Variants in USP31 observed in about 807,000 individuals in gnomAD.
USP31 encodes the protein ubiquitin specific peptidase 31.
Under a neutral mutation model 119.4 loss-of-function variants are expected in USP31, and 44 were observed. The ratio of observed to expected loss-of-function variants is 0.37; its 90% CI spans 0.29 to 0.47. The LOEUF is 0.47. USP31 is among the 20% of genes least tolerant of loss of function. The probability of loss-of-function intolerance (pLI) is 0.99; values close to 1 mark genes in which losing one functional copy is unlikely to be tolerated. For missense variants in USP31, 1,643 were observed against 1,730.2 expected (o/e 0.95, Z 0.89); for synonymous variants, 749 against 705.6 (o/e 1.06, Z -0.97).
chr16:23,122,811 T>G (rs1902716952), intron 1 of USP31, among the ~76,000 whole-genome samples: 1 of 152,132 alleles, frequency 6.6e-6, no homozygotes, highest in South Asian at 2.1e-4. Context: ...AGGGAGTGAC[T>G]GCTAATGAGT....
chr16:23,135,137 T>TAAAAAAAAAAAAAAAAAAAAAAAAAAA (rs71151697), intron 1 of USP31, among the ~76,000 whole-genome samples: 1 of 127,842 alleles, frequency 7.8e-6, no homozygotes. Flanking sequence ...TTTCATGATT[T>TAAAAAAAAAAAAAAAAAAAAAAAAAAA]AAAAAAAAAA....
intron 1 of USP31, among the ~76,000 whole-genome samples, chr16:23,125,034 C>G (rs1463187614): frequency 1.3e-5 from 2 of 152,192 alleles, no homozygotes; most frequent in Non-Finnish European, 2.9e-5. Flanking sequence ...TGATATTTTG[C>G]AAGATCCTTT....
At chr16:23,089,352 G>A (rs187391166) in intron 7 of USP31, among the ~76,000 whole-genome samples, 90 of 152,160 alleles carry the variant, frequency 5.9e-4, no homozygotes, top group African/African-American at 2.0e-3. Context: ...TAATGCCTTC[G>A]ACGTGGTACG....
rs192024852 is a variant in USP31, at chr16:23,066,159, G to C, written c.*1887C>G. ...ATCTGAACAGTAAAACCAGGACAGC[G>C]AGTGAAGAAGTGAGTACAGGGCTGA... On this transcript the variant is annotated 3_prime_UTR_variant, in exon 16 of 16. Transcript: ENST00000219689. 1 of 152,304 alleles carries C rather than the reference G, an allele frequency of 6.6e-6. No individual in the cohort carries two copies. 9.4% of individuals were successfully genotyped at this position (152,304 alleles called of 1,614,324 possible).
intron 1 of USP31, among the ~76,000 whole-genome samples, chr16:23,114,611 G>A (rs1902433869): frequency 6.6e-6 from 1 of 152,164 alleles, no homozygotes; most frequent in Non-Finnish European, 1.5e-5. Context: ...CATTAAATTT[G>A]TTTACGCTTC....
At position 23,096,785 on chromosome 16, in the gene USP31, T is replaced by C. The variant is rs143263082; in HGVS notation, c.1234+5534A>G. 4.6e-3 allele frequency among the ~76,000 whole-genome samples: 696 copies of C among 152,286 alleles called. 2 individuals carry two copies. Among genetic ancestry groups the C allele is most frequent in the Non-Finnish European group, 6.6e-3 (446 of 68,020 alleles). On this transcript the variant is annotated intron_variant, in intron 6 of 15. Coordinates refer to ENST00000219689, the MANE Select transcript of USP31 (RefSeq NM_020718.4). The stretch of plus-strand genomic sequence containing the variant: ...ATGAAAGCAGAAATAAAGATGTTCT[T>C]TGAAACCAATGAGAACAAAGACAAC...
intron 14 of USP31, chr16:23,072,569 T>A (rs1260093246): frequency 7.7e-6 from 4 of 519,222 alleles, no homozygotes; most frequent in Non-Finnish European, 1.3e-5. Flanking sequence ...TTCTAAGCAA[T>A]TGCAGTAATA....
Position 23,109,306 on chromosome 16 carries a change from C to T in USP31, c.634-1123G>A, listed in dbSNP as rs772901572. Among the ~76,000 whole-genome samples the T allele has an allele frequency of 3.3e-5, 5 of 152,150 alleles. No individual in the cohort carries two copies. In the South Asian group the frequency reaches 6.2e-4, roughly 19 times the overall value. On this transcript the variant is annotated intron_variant, in intron 1 of 15. Coordinates refer to ENST00000219689, the MANE Select transcript of USP31 (RefSeq NM_020718.4). Reference sequence around the variant, plus strand: ...GGGCTCCTTGGAGAAATGGCCCTTTCGAGGACACTGGGACACGGGACATGT... The same window carrying T: ...GGGCTCCTTGGAGAAATGGCCCTTTTGAGGACACTGGGACACGGGACATGT...
chr16:23,095,503 C>T (rs1294090640), intron 6 of USP31, among the ~76,000 whole-genome samples: 1 of 152,132 alleles, frequency 6.6e-6, no homozygotes, highest in Non-Finnish European at 1.5e-5. Context: ...GAGAACACCA[C>T]AAAGATACTC....
intron 13 of USP31, among the ~76,000 whole-genome samples, chr16:23,075,497 G>T (rs527844432): frequency 9.2e-5 from 14 of 152,120 alleles, no homozygotes; most frequent in Non-Finnish European, 2.1e-4. Context: ...TATTCTCTAG[G>T]CCAGTGCTAC....
At chr16:23,106,633 G>T in intron 2 of USP31, 146 bp from the exon 3 acceptor site, 1 of 784,084 alleles carries the variant, frequency 1.3e-6, no homozygotes, top group Non-Finnish European at 2.0e-6. Flanking sequence ...CCTGCTAAAG[G>T]AGCCAGAACA....
chr16:23,149,335 C>T lies in USP31; in HGVS notation c.-65G>A. 2.0e-6 allele frequency: 2 copies of T among 1,003,354 alleles called. No individual in the cohort carries two copies. Among genetic ancestry groups the T allele is most frequent in the African/African-American group, 1.8e-5 (1 of 57,082 alleles). 62.2% of individuals were successfully genotyped at this position (1,003,354 alleles called of 1,614,324 possible). ...CGGCCCGCGGCCCCGCCACGGCCGC[C>T]GCCGCATCCCGCAGCGCCGCGCCTC... On this transcript the variant is annotated 5_prime_UTR_variant, in exon 1 of 16. Transcript: ENST00000219689.
At chr16:23,081,189 T>G (rs1419001768) in intron 12 of USP31, among the ~76,000 whole-genome samples, 4 of 152,162 alleles carry the variant, frequency 2.6e-5, no homozygotes, top group African/African-American at 9.7e-5. Context: ...ACTGCAGGTT[T>G]GCCTCTGGAT....
At chr16:23,101,870 G>T (rs1172915964) in intron 6 of USP31, among the ~76,000 whole-genome samples, 1 of 149,968 alleles carries the variant, frequency 6.7e-6, no homozygotes, top group Non-Finnish European at 1.5e-5. Flanking sequence ...TCATTTTGCT[G>T]CCTATCAATG....
At chr16:23,106,592 G>T in intron 2 of USP31, 105 bp from the exon 3 acceptor site, 1 of 1,144,898 alleles carries the variant, frequency 8.7e-7, no homozygotes, top group Non-Finnish European at 1.2e-6. Flanking sequence ...TACAAGCTAT[G>T]CATCAAGTGC....
chr16:23,075,727 C>T (rs1427576551), intron 13 of USP31, among the ~76,000 whole-genome samples: 1 of 152,190 alleles, frequency 6.6e-6, no homozygotes, highest in Non-Finnish European at 1.5e-5. Flanking sequence ...AATCCTTACA[C>T]AATCGATTAT....
intron 1 of USP31, among the ~76,000 whole-genome samples, chr16:23,117,193 C>T (rs567036964): frequency 6.6e-5 from 10 of 152,318 alleles, no homozygotes; most frequent in African/African-American, 2.2e-4. Flanking sequence ...TCCTTCCAGG[C>T]ACAAGGGCCA....
At chr16:23,073,941 C>T in intron 13 of USP31, 61 bp from the exon 14 acceptor site, 2 of 1,608,036 alleles carry the variant, frequency 1.2e-6, no homozygotes, top group Non-Finnish European at 1.7e-6. Flanking sequence ...TCATGCGACC[C>T]ACAGACACCA....
chr16:23,109,596 C>T (rs1902238619), intron 1 of USP31, among the ~76,000 whole-genome samples: 1 of 152,134 alleles, frequency 6.6e-6, no homozygotes, highest in Non-Finnish European at 1.5e-5. Context: ...TAGTGACTTA[C>T]TTCCAAAGAC....
Sources: allele counts gnomAD v4.1 joint callset (sites outside exome capture counted in the v4.1 genomes callset), GRCh38; gene constraint gnomAD v4.1.1; transcripts MANE v1.5; gene names NCBI Gene and HGNC (gene_info 2026-07-23, HGNC 2026-07-21).